Variants in HDGFL2 observed in about 807,000 individuals in gnomAD.
The protein encoded by HDGFL2 is HDGF like 2, also known as hepatoma-derived growth factor-related protein 2.
HDGFL2 carries 36 observed loss-of-function variants against 77.1 expected under a neutral mutation model. The observed-to-expected ratio is 0.47, with a 90% CI of 0.36 to 0.62. HDGFL2 has a LOEUF of 0.62. Ranked by LOEUF, HDGFL2 falls within the 20% of genes least tolerant of loss-of-function variation. HDGFL2 has a pLI of 0.00. For missense variants in HDGFL2, 976 were observed against 973.4 expected (o/e 1.00, Z -0.04); for synonymous variants, 463 against 413.1 (o/e 1.12, Z -1.46).
At chr19:4,488,505 C>T (rs1021598599) in intron 3 of HDGFL2, among the ~76,000 whole-genome samples, 171 bp from the exon 4 acceptor site, 2 of 152,236 alleles carry the variant, frequency 1.3e-5, no homozygotes, top group Admixed American at 1.3e-4. Context: ...ACTCTCCTGC[C>T]TTCGTTCTTC....
In HDGFL2 at chr19:4,493,792, C is replaced by T. The variant is rs1173341273; in HGVS notation, c.768C>T (p.Ser256=). Residue 256 remains serine, a synonymous_variant, in exon 7 of 16, where the codon TCC becomes TCT. Transcript: ENST00000616600. ...EPVAMARSAS[S]SSSSSSSSDS... ...TGGCCATGGCGCGGTCGGCGTCCTCCTCCTCCTCTTCCTCCTCCTCCTCCG... is the reference window on the plus strand; with the variant it reads ...TGGCCATGGCGCGGTCGGCGTCCTCTTCCTCCTCTTCCTCCTCCTCCTCCG... 4 of 1,544,100 alleles carry T rather than the reference C, an allele frequency of 2.6e-6. No homozygotes were observed. Among genetic ancestry groups the T allele is most frequent in the East Asian group, 4.9e-5 (2 of 40,588 alleles).
At chr19:4,500,430 C>T (rs892768856) in intron 14 of HDGFL2, among the ~76,000 whole-genome samples, 1 of 148,424 alleles carries the variant, frequency 6.7e-6, no homozygotes, top group Non-Finnish European at 1.5e-5. Context: ...GGATTGTAGG[C>T]CTACACCACT....
chr19:4,479,187 C>G (rs779483369), intron 3 of HDGFL2, among the ~76,000 whole-genome samples: 31 of 151,816 alleles, frequency 2.0e-4, no homozygotes, highest in African/African-American at 6.8e-4. Flanking sequence ...TAGCCGGGCT[C>G]ACGCCTGAAA....
intron 14 of HDGFL2, among the ~76,000 whole-genome samples, chr19:4,500,894 C>T (rs1243493978): frequency 1.3e-5 from 2 of 152,230 alleles, no homozygotes; most frequent in Non-Finnish European, 2.9e-5. Context: ...GCCCCCGTGC[C>T]CGACCTTGTC....
At chr19:4,492,884 GTGT>G (rs746768257) in intron 6 of HDGFL2, among the ~76,000 whole-genome samples, 15 of 117,978 alleles carry the variant, frequency 1.3e-4, no homozygotes, top group East Asian at 6.5e-4. Context: ...GGTGTGGTGT[GTGT>G]TATCTGTGGT....
Position 4,494,411 on chromosome 19 carries a change from A to AGGGCCG in HDGFL2, c.1170_1175dup (p.Arg391_Gly392dup), listed in dbSNP as rs900031325. ...GAGCCCGTCAAGAAGCGGGGACGCA[A>AGGGCCG]GGGCCGGGGCCGGGGTCCCCCGTCC... On this transcript the variant is annotated inframe_insertion, in exon 9 of 16. Transcript: ENST00000616600. 7.1e-6 allele frequency: 10 copies of AGGGCCG among 1,405,606 alleles called. No individual in the cohort carries two copies. The highest frequency in any genetic ancestry group is 3.4e-5 in the Admixed American group (1 of 29,342). 87.1% of individuals were successfully genotyped at this position (1,405,606 alleles called of 1,614,324 possible).
chr19:4,493,501 G>A (rs528736753), intron 6 of HDGFL2, among the ~76,000 whole-genome samples: 5 of 152,110 alleles, frequency 3.3e-5, no homozygotes, highest in Non-Finnish European at 5.9e-5. Flanking sequence ...GCTGCCCGGC[G>A]TGCCCAGGGC....
chr19:4,494,580 C>A, intron 9 of HDGFL2, 105 bp downstream of exon 9: 1 of 858,826 alleles, frequency 1.2e-6, no homozygotes, highest in Non-Finnish European at 1.6e-6. Context: ...ATCAAGAAAG[C>A]AGTGCGTGGG....
At chr19:4,499,191 C>T (rs779473735) in intron 13 of HDGFL2, among the ~76,000 whole-genome samples, 2 of 152,024 alleles carry the variant, frequency 1.3e-5, no homozygotes, top group Non-Finnish European at 2.9e-5. Context: ...ACTAAAGATA[C>T]AAAAATTAGC....
chr19:4,491,008 C>T (rs1360639893), intron 4 of HDGFL2, among the ~76,000 whole-genome samples: 1 of 152,056 alleles, frequency 6.6e-6, no homozygotes, highest in Non-Finnish European at 1.5e-5. Context: ...TGGGGTTTCT[C>T]CATGTTGGTC....
chr19:4,497,794 C>T (rs1330152745), intron 10 of HDGFL2, 164 bp from the exon 11 acceptor site: 1 of 631,142 alleles, frequency 1.6e-6, no homozygotes, highest in African/African-American at 1.8e-5. Context: ...TGCCCTAGGC[C>T]TAGGCTGTGG....
At chr19:4,482,696 C>T (rs1374422375) in intron 3 of HDGFL2, among the ~76,000 whole-genome samples, 2 of 152,212 alleles carry the variant, frequency 1.3e-5, no homozygotes, top group African/African-American at 2.4e-5. Context: ...AAGACCTGCT[C>T]GTGCTTTCAT....
intron 3 of HDGFL2, chr19:4,486,505 A>G (rs1599709764): frequency 6.6e-6 from 1 of 150,944 alleles, no homozygotes; most frequent in East Asian, 1.9e-4. Flanking sequence ...AGCCTGGGCA[A>G]CAAGAGCGAA....
At position 4,472,492 on chromosome 19, in the gene HDGFL2, G is replaced by C. The variant is rs559439226; in HGVS notation, c.72+70G>C. ...GCAGCGGGGGCCCCGGGCCGGAGGC[G>C]GGCACTGGAGGGCCGGGGTTGTCCT... is the stretch of plus-strand genomic sequence containing the variant. On this transcript the variant is annotated intron_variant, in intron 1 of 15. Transcript: ENST00000616600. 974 of 860,398 alleles carry C rather than the reference G, an allele frequency of 1.1e-3. 43 individuals are homozygous for C. In the Admixed American group the frequency reaches 0.041, roughly 36 times the overall value. 53.3% of individuals were successfully genotyped at this position (860,398 alleles called of 1,614,324 possible).
At chr19:4,472,549 G>C in intron 1 of HDGFL2, 127 bp downstream of exon 1, 1 of 561,452 alleles carries the variant, frequency 1.8e-6, no homozygotes, top group South Asian at 3.7e-5. Flanking sequence ...CGGGGGTCTG[G>C]GGTTCATGGG....
At chr19:4,497,636 C>T in intron 10 of HDGFL2, 1 of 412,796 alleles carries the variant, frequency 2.4e-6, no homozygotes, top group Non-Finnish European at 4.4e-6. Flanking sequence ...ACGCGTGTCA[C>T]CCTTGAGGGC....
intron 3 of HDGFL2, among the ~76,000 whole-genome samples, chr19:4,482,841 G>A (rs1975254273): frequency 6.6e-6 from 1 of 152,160 alleles, no homozygotes; most frequent in Non-Finnish European, 1.5e-5. Context: ...ATAACTGCCG[G>A]TGGCTCCTGG....
chr19:4,476,120 G>C (rs916528647), intron 3 of HDGFL2, among the ~76,000 whole-genome samples: 15 of 148,942 alleles, frequency 1.0e-4, no homozygotes, highest in African/African-American at 3.5e-4. Flanking sequence ...TCAATCTCCT[G>C]ACTTCGTGAT....
chr19:4,474,598 T>C (rs773560008), intron 1 of HDGFL2, among the ~76,000 whole-genome samples: 6 of 152,018 alleles, frequency 3.9e-5, no homozygotes, highest in Non-Finnish European at 7.4e-5. Context: ...TCGCGCTGAC[T>C]TTCTTGGGGG....
Sources: allele counts gnomAD v4.1 joint callset (sites outside exome capture counted in the v4.1 genomes callset), GRCh38; gene constraint gnomAD v4.1.1; transcripts MANE v1.5; gene names NCBI Gene and HGNC (gene_info 2026-07-23, HGNC 2026-07-21).